The following PTPRD variants were observed in gnomAD, a reference collection of about 807,000 sequenced individuals.
PTPRD encodes the protein receptor-type tyrosine-protein phosphatase delta.
PTPRD carries 34 observed loss-of-function variants against 214.5 expected under a neutral mutation model. The observed-to-expected ratio is 0.16, with a 90% CI of 0.12 to 0.21. The LOEUF (loss-of-function observed/expected upper bound fraction) is 0.21, where lower values mean the gene tolerates loss of function less well. Ranked by LOEUF, PTPRD falls within the 10% of genes least tolerant of loss-of-function variation. The pLI is 1.00. For missense variants in PTPRD, 2,545 were observed against 2,398.7 expected, an observed-to-expected ratio of 1.06 and a Z score of -1.27; for synonymous variants, 1,128 against 845.7, an observed-to-expected ratio of 1.33 and a Z score of -5.79.
intron 5 of PTPRD, among the ~76,000 whole-genome samples, chr9:9,779,193 C>T (rs1370080953): frequency 2.1e-5 from 3 of 146,094 alleles, no homozygotes; most frequent in African/African-American, 7.6e-5. Flanking sequence ...TCACCATATA[C>T]AAAAATTAAC....
At chr9:10,424,174 T>C (rs2098587666) in intron 2 of PTPRD, among the ~76,000 whole-genome samples, 1 of 151,978 alleles carries the variant, frequency 6.6e-6, no homozygotes, top group African/African-American at 2.4e-5. Context: ...TGAAAATAGA[T>C]TAACATTAGA....
chr9:8,939,750 A>G (rs2099019781), intron 11 of PTPRD, among the ~76,000 whole-genome samples: 1 of 152,304 alleles, frequency 6.6e-6, no homozygotes, highest in South Asian at 2.1e-4. Flanking sequence ...GTGTTAAACT[A>G]TTTGAACAGG....
chr9:9,093,641 T>C (rs1192952904), intron 10 of PTPRD, among the ~76,000 whole-genome samples: 1 of 149,806 alleles, frequency 6.7e-6, no homozygotes, highest in Non-Finnish European at 1.5e-5. Flanking sequence ...TTTTATAAAA[T>C]TAAAAACACA....
At chr9:10,228,792 T>C (rs911327487) in intron 3 of PTPRD, among the ~76,000 whole-genome samples, 6 of 149,936 alleles carry the variant, frequency 4.0e-5, no homozygotes, top group South Asian at 2.1e-4. Context: ...TATAAAATTA[T>C]ATATTATTTA....
At chr9:9,286,395 T>A (rs369636215) in intron 9 of PTPRD, among the ~76,000 whole-genome samples, 15 of 151,968 alleles carry the variant, frequency 9.9e-5, no homozygotes, top group African/African-American at 3.6e-4. Context: ...CCTGCCTTCA[T>A]AGTTTTGCTA....
At chr9:10,091,628 C>T (rs974170607) in intron 3 of PTPRD, among the ~76,000 whole-genome samples, 10 of 151,516 alleles carry the variant, frequency 6.6e-5, no homozygotes, top group East Asian at 3.9e-4. Flanking sequence ...GTCAATTAAA[C>T]GACAGGAAAT....
intron 12 of PTPRD, chr9:8,700,486 G>T (rs1364081492): frequency 1.3e-5 from 2 of 152,218 alleles, no homozygotes; most frequent in Admixed American, 6.5e-5. Context: ...GAGGTCAGCT[G>T]TTAATAGCAA....
intron 3 of PTPRD, among the ~76,000 whole-genome samples, chr9:10,318,639 G>T (rs2096491347): frequency 6.6e-6 from 1 of 151,958 alleles, no homozygotes; most frequent in African/African-American, 2.4e-5. Context: ...TTGAGACAGG[G>T]TCTCACTCTA....
intron 3 of PTPRD, among the ~76,000 whole-genome samples, chr9:10,196,545 C>G (rs1035394681): frequency 2.6e-5 from 4 of 152,078 alleles, no homozygotes; most frequent in African/African-American, 4.8e-5. Context: ...TAAGAAAAGA[C>G]AGCAAATGCT....
Position 10,394,075 on chromosome 9 carries a change from T to TAG in PTPRD, c.-599-53060_-599-53059dup, listed in dbSNP as rs911604652. ...TACATATTATATATATATATATATA[T>TAG]AGAGAGAGAAACATATCTATCTCTC... On this transcript the variant is annotated intron_variant, in intron 2 of 45. Coordinates refer to ENST00000381196, the MANE Select transcript of PTPRD (RefSeq NM_002839.4). Among the ~76,000 whole-genome samples, 802 of 143,476 alleles carry TAG rather than the reference T, an allele frequency of 5.6e-3. 2 individuals carry two copies. Among genetic ancestry groups the TAG allele is most frequent in the Middle Eastern group, 0.011 (3 of 268 alleles). The allele number at this position is 143,476 out of a possible 152,430, so 94.1% of individuals were successfully genotyped here.
chr9:9,114,112 C>G (rs1317374581), intron 10 of PTPRD, among the ~76,000 whole-genome samples: 2 of 152,110 alleles, frequency 1.3e-5, no homozygotes, highest in Non-Finnish European at 2.9e-5. Flanking sequence ...AATTTTCAAA[C>G]AGAAAAACTA....
chr9:9,303,657 T>C (rs755824454), intron 9 of PTPRD, among the ~76,000 whole-genome samples: 3 of 152,054 alleles, frequency 2.0e-5, no homozygotes, highest in East Asian at 1.9e-4. Context: ...TGGATTGGTA[T>C]TGAGATTTTA....
intron 3 of PTPRD, among the ~76,000 whole-genome samples, chr9:10,109,303 T>C (rs1222752417): frequency 2.6e-5 from 4 of 152,190 alleles, no homozygotes; most frequent in Non-Finnish European, 5.9e-5. Context: ...TGAGTGATGT[T>C]ACAGTCAGTA....
At chr9:9,887,463 T>A (rs1255279529) in intron 5 of PTPRD, among the ~76,000 whole-genome samples, 1 of 152,156 alleles carries the variant, frequency 6.6e-6, no homozygotes, top group East Asian at 1.9e-4. Context: ...ACATGATGCA[T>A]AATACTTGTG....
intron 3 of PTPRD, among the ~76,000 whole-genome samples, chr9:10,208,240 C>A (rs2057472): frequency 0.58 from 88,130 of 152,034 alleles, 26,990 homozygotes; most frequent in Non-Finnish European, 0.69. Flanking sequence ...CGCGGCGGGG[C>A]GCGGTGGCTC....
chr9:8,640,595 T>C (rs12686078), intron 12 of PTPRD, among the ~76,000 whole-genome samples: 38,264 of 143,230 alleles, frequency 0.27, 5,298 homozygotes, highest in Middle Eastern at 0.34. Context: ...CTAAAAGGGC[T>C]CTTAAATTTA....
At chr9:9,188,835 TGTG>T (rs2099933302) in intron 9 of PTPRD, among the ~76,000 whole-genome samples, 1 of 150,374 alleles carries the variant, frequency 6.7e-6, no homozygotes, top group Non-Finnish European at 1.5e-5. Flanking sequence ...TGTGTGTGTG[TGTG>T]TGTGTTGTGT....
At chr9:9,916,093 AC>A (rs1490188578) in intron 5 of PTPRD, among the ~76,000 whole-genome samples, 4 of 149,622 alleles carry the variant, frequency 2.7e-5, no homozygotes, top group African/African-American at 9.8e-5. Flanking sequence ...AAAAAAAAAA[AC>A]AAAAAACTGT....
chr9:10,098,084 G>A, intron 3 of PTPRD, among the ~76,000 whole-genome samples: 1 of 151,680 alleles, frequency 6.6e-6, no homozygotes, highest in Non-Finnish European at 1.5e-5. Flanking sequence ...CAAAGACTTG[G>A]AACCAATCCA....
Sources: gnomAD v4.1 joint callset for allele counts (sites outside exome capture counted in the v4.1 genomes callset) on GRCh38, gnomAD v4.1.1 for gene constraint, MANE v1.5 for transcripts, NCBI Gene and HGNC (gene_info 2026-07-23, HGNC 2026-07-21) for gene names.